The following CHODL variants were observed in gnomAD, a reference collection of about 807,000 sequenced individuals.
The protein encoded by CHODL is chondrolectin.
CHODL carries 29 observed loss-of-function variants against 34.5 expected under a neutral mutation model. The ratio of observed to expected loss-of-function variants is 0.84; its 90% CI spans 0.63 to 1.15. CHODL has a LOEUF of 1.15. Among genes scored for constraint, CHODL ranks in the 50% most tolerant of loss-of-function variants. The pLI, the probability that CHODL is intolerant of heterozygous loss-of-function variation, is 0.00. For synonymous variants in CHODL, 125 were observed against 116.1 expected (o/e 1.08, Z -0.49); for missense variants, 332 against 332.5 (o/e 1.00, Z 0.01).
chr21:18,251,650 A>AAAAT lies in CHODL; in HGVS notation c.80-4857_80-4854dup, dbSNP rs1205337763. ...ATTTTATTTATTTATTTTAATATAT[A>AAAAT]AAATATTTATTTTATTTATTTATTT... On this transcript the variant is annotated intron_variant, in intron 1 of 5. Coordinates refer to ENST00000299295, the MANE Select transcript of CHODL (RefSeq NM_024944.3). Among the ~76,000 whole-genome samples the AAAAT allele has an allele frequency of 1.9e-4, 14 of 74,978 alleles. 2 individuals are homozygous for AAAAT. Among genetic ancestry groups the AAAAT allele is most frequent in the South Asian group, 3.8e-4 (1 of 2,662 alleles). 49.2% of individuals were successfully genotyped at this position (74,978 alleles called of 152,430 possible).
At chr21:18,176,502 T>C (rs1259879310) in intron 2 of CHODL, among the ~76,000 whole-genome samples, 1 of 152,194 alleles carries the variant, frequency 6.6e-6, no homozygotes, top group Non-Finnish European at 1.5e-5. Context: ...TTCTAAGATA[T>C]GCATAACAAA....
chr21:18,128,396 T>G (rs1346774056), intron 2 of CHODL, among the ~76,000 whole-genome samples: 1 of 147,910 alleles, frequency 6.8e-6, no homozygotes, highest in Non-Finnish European at 1.5e-5. Context: ...CTTAAAGATT[T>G]CCACAGCTCA....
chr21:18,106,123 A>G (rs2065269144), intron 2 of CHODL, among the ~76,000 whole-genome samples: 1 of 152,208 alleles, frequency 6.6e-6, no homozygotes, highest in South Asian at 2.1e-4. Flanking sequence ...GGTTGGTAGG[A>G]CTAAAATGGA....
At chr21:18,074,310 G>A (rs1174503704) in intron 2 of CHODL, among the ~76,000 whole-genome samples, 2 of 152,240 alleles carry the variant, frequency 1.3e-5, no homozygotes, top group East Asian at 1.9e-4. Flanking sequence ...CTTGTCACAT[G>A]AGCAAAATTT....
At chr21:18,078,843 C>G (rs112279481) in intron 2 of CHODL, among the ~76,000 whole-genome samples, 613 of 152,174 alleles carry the variant, frequency 4.0e-3, no homozygotes, top group Non-Finnish European at 7.7e-3. Context: ...TTCCACAACT[C>G]AAGAAGAAAT....
chr21:18,119,070 G>T (rs1426019969), intron 2 of CHODL, among the ~76,000 whole-genome samples: 2 of 152,056 alleles, frequency 1.3e-5, no homozygotes, highest in African/African-American at 2.4e-5. Context: ...TTAAAAAGAA[G>T]CTTTAGTGAG....
intron 1 of CHODL, among the ~76,000 whole-genome samples, chr21:17,999,281 C>T (rs13049798): frequency 0.13 from 20,191 of 152,148 alleles, 1,512 homozygotes; most frequent in South Asian, 0.3. Flanking sequence ...TATCACTTTC[C>T]GCATTTTTGT....
intron 2 of CHODL, among the ~76,000 whole-genome samples, chr21:18,197,481 T>G (rs2073602904): frequency 6.6e-6 from 1 of 152,104 alleles, no homozygotes; most frequent in Admixed American, 6.6e-5. Context: ...GGCGTGGTGG[T>G]GGTGCATGCC....
At chr21:18,223,234 G>C (rs1230031496) in intron 2 of CHODL, among the ~76,000 whole-genome samples, 1 of 152,160 alleles carries the variant, frequency 6.6e-6, no homozygotes, top group Non-Finnish European at 1.5e-5. Context: ...CCAGGCTACT[G>C]TATCTCCAAC....
chr21:17,985,026 C>T (rs146894844), intron 1 of CHODL, among the ~76,000 whole-genome samples: 27 of 152,136 alleles, frequency 1.8e-4, no homozygotes, highest in African/African-American at 5.1e-4. Context: ...TATTAGTCTT[C>T]GTTGTCACAA....
At chr21:17,933,193 A>G (rs1363297601) in intron 1 of CHODL, among the ~76,000 whole-genome samples, 1 of 152,192 alleles carries the variant, frequency 6.6e-6, no homozygotes, top group Non-Finnish European at 1.5e-5. Context: ...GGCAGGAGAC[A>G]GATGCCTTCC....
intron 2 of CHODL, among the ~76,000 whole-genome samples, chr21:18,144,538 T>A (rs1038593626): frequency 2.0e-5 from 3 of 152,176 alleles, no homozygotes; most frequent in Admixed American, 2.0e-4. Context: ...AGTAAGTGCT[T>A]ACCTTGAAGT....
intron 2 of CHODL, among the ~76,000 whole-genome samples, chr21:18,144,621 CTA>C (rs1352596474): frequency 6.6e-6 from 1 of 152,108 alleles, no homozygotes; most frequent in Admixed American, 6.6e-5. Context: ...TCATAACTCT[CTA>C]TTTCTCTAGA....
At position 17,979,454 on chromosome 21, in the gene CHODL, G is replaced by C. The variant is rs527263493; in HGVS notation, c.-144-48418G>C. On this transcript the variant is annotated intron_variant, in intron 1 of 6. Coordinates refer to the CHODL transcript ENST00000400127. ...AGGCTGATTTTATTTTGAATTTTTGGTTCTAATTTATAACTTTTCAAGTAT... is the reference window on the plus strand; with the variant it reads ...AGGCTGATTTTATTTTGAATTTTTGCTTCTAATTTATAACTTTTCAAGTAT... Among the ~76,000 whole-genome samples the C allele has an allele frequency of 1.2e-3, 181 of 152,128 alleles. 1 individual carries two copies. Among genetic ancestry groups the C allele is most frequent in the African/African-American group, 4.2e-3 (176 of 41,526 alleles).
chr21:18,071,798 T>C (rs1239717747), intron 2 of CHODL, among the ~76,000 whole-genome samples: 2 of 152,220 alleles, frequency 1.3e-5, no homozygotes, highest in African/African-American at 4.8e-5. Context: ...ATATTTTATG[T>C]AATATTTAAT....
intron 2 of CHODL, among the ~76,000 whole-genome samples, chr21:18,219,524 T>C (rs966351651): frequency 6.6e-6 from 1 of 152,192 alleles, no homozygotes; most frequent in African/African-American, 2.4e-5. Context: ...ATAGTGGCTA[T>C]ACAAATTTAC....
intron 1 of CHODL, among the ~76,000 whole-genome samples, chr21:18,015,932 T>C (rs1288685758): frequency 6.6e-6 from 1 of 152,168 alleles, no homozygotes; most frequent in Non-Finnish European, 1.5e-5. Context: ...TATGCTCGTT[T>C]GCATAAACAA....
intron 1 of CHODL, among the ~76,000 whole-genome samples, chr21:17,959,749 T>C (rs1174743384): frequency 4.6e-5 from 7 of 152,158 alleles, no homozygotes; most frequent in Admixed American, 3.3e-4. Flanking sequence ...GTAGGTCTTA[T>C]CATGAAAAAG....
At chr21:17,989,544 T>C (rs532561329) in intron 1 of CHODL, among the ~76,000 whole-genome samples, 2 of 152,162 alleles carry the variant, frequency 1.3e-5, no homozygotes, top group Non-Finnish European at 2.9e-5. Context: ...TGACTGGCTG[T>C]CTGTAGCCTT....
Sources: allele counts gnomAD v4.1 joint callset (sites outside exome capture counted in the v4.1 genomes callset), GRCh38; gene constraint gnomAD v4.1.1; transcripts MANE v1.5; gene names NCBI Gene and HGNC (gene_info 2026-07-23, HGNC 2026-07-21).